The following PRKN variants were observed in gnomAD, a reference collection of about 807,000 sequenced individuals.
PRKN encodes the protein parkin RBR E3 ubiquitin protein ligase.
PRKN carries 56 observed loss-of-function variants against 59.5 expected under a neutral mutation model. The ratio of observed to expected loss-of-function variants is 0.94; its 90% CI spans 0.76 to 1.18. PRKN has a LOEUF of 1.18. Among genes scored for constraint, PRKN ranks in the 50% most tolerant of loss-of-function variants. PRKN has a pLI of 0.00. For synonymous variants in PRKN, 250 were observed against 222.1 expected (o/e 1.13, Z -1.12); for missense variants, 657 against 596.4 (o/e 1.10, Z -1.06).
chr6:161,708,067 G>A (rs1186159697), intron 7 of PRKN, among the ~76,000 whole-genome samples: 2 of 152,050 alleles, frequency 1.3e-5, no homozygotes, highest in Non-Finnish European at 1.5e-5. Context: ...ATCATACCTA[G>A]CATCTGGAAT....
intron 1 of PRKN, among the ~76,000 whole-genome samples, chr6:162,497,306 T>G (rs925305176): frequency 6.6e-6 from 1 of 152,182 alleles, no homozygotes; most frequent in African/African-American, 2.4e-5. Flanking sequence ...AAGAAATTAT[T>G]TTAAGTAACT....
rs1269310872 is a variant in PRKN, at chr6:161,399,623, G to A, written c.1084-12746C>T. 6.6e-6 allele frequency among the ~76,000 whole-genome samples: 1 copy of A among 152,122 alleles called. No homozygotes were observed. The highest frequency in any genetic ancestry group is 1.5e-5 in the Non-Finnish European group (1 of 68,034). ...CCGGGGTGGGTCAGGGAACTCTCCC[G>A]TTTCAGCAGTAAGAAGAGGAAGGTG... On this transcript the variant is annotated intron_variant, in intron 9 of 11. Coordinates refer to ENST00000366898, the MANE Select transcript of PRKN (RefSeq NM_004562.3). This position sits in a 1 kb window ranked among gnomAD's most constrained non-coding sequence, Gnocchi z 4.4.
At chr6:162,336,346 G>C (rs747615789) in intron 2 of PRKN, among the ~76,000 whole-genome samples, 1 of 151,976 alleles carries the variant, frequency 6.6e-6, no homozygotes, top group African/African-American at 2.4e-5. Flanking sequence ...CAGCTACAAC[G>C]ATACCTCCTC....
chr6:161,942,176 T>G (rs951628640), intron 6 of PRKN, among the ~76,000 whole-genome samples: 2 of 152,114 alleles, frequency 1.3e-5, no homozygotes, highest in African/African-American at 4.8e-5. Flanking sequence ...CACAGGGGCC[T>G]CTGGGGAAAG....
At chr6:162,216,816 A>G (rs1777694619) in intron 3 of PRKN, among the ~76,000 whole-genome samples, 1 of 152,182 alleles carries the variant, frequency 6.6e-6, no homozygotes, top group Non-Finnish European at 1.5e-5. Context: ...AGCCAGCAAA[A>G]TTATATTTAA....
chr6:161,728,033 AT>A (rs1787518867), intron 7 of PRKN, among the ~76,000 whole-genome samples: 1 of 152,074 alleles, frequency 6.6e-6, no homozygotes, highest in Non-Finnish European at 1.5e-5. Context: ...GTCATCACCC[AT>A]TTTCGCTTCA....
intron 6 of PRKN, among the ~76,000 whole-genome samples, chr6:161,897,835 CG>C (rs1290207538): frequency 6.7e-6 from 1 of 150,254 alleles, no homozygotes; most frequent in African/African-American, 2.5e-5. Flanking sequence ...GGCGTAGTGG[CG>C]GGCGCCTGTA....
chr6:162,561,626 T>C (rs1438839658), intron 1 of PRKN, among the ~76,000 whole-genome samples: 1 of 152,086 alleles, frequency 6.6e-6, no homozygotes, highest in Non-Finnish European at 1.5e-5. Flanking sequence ...CCTCCCTTAC[T>C]GGGGGCGAAG....
intron 3 of PRKN, among the ~76,000 whole-genome samples, chr6:162,249,283 A>G (rs556662553): frequency 6.6e-6 from 1 of 152,366 alleles, no homozygotes; most frequent in East Asian, 1.9e-4. Context: ...ATGAGAACAT[A>G]GTTATTAACA....
intron 2 of PRKN, among the ~76,000 whole-genome samples, chr6:162,426,386 G>C (rs1789239159): frequency 6.6e-6 from 1 of 152,140 alleles, no homozygotes; most frequent in Non-Finnish European, 1.5e-5. Flanking sequence ...AATAAAACTG[G>C]ATCTTGCGTG....
intron 2 of PRKN, among the ~76,000 whole-genome samples, chr6:162,296,837 G>T (rs911154296): frequency 6.6e-6 from 1 of 152,170 alleles, no homozygotes; most frequent in African/African-American, 2.4e-5. Context: ...GCTACCCAAG[G>T]ATTTACTGTT....
At position 162,429,040 on chromosome 6, in the gene PRKN, C is replaced by T. The variant is rs1789378710; in HGVS notation, c.171+14270G>A. On this transcript the variant is annotated intron_variant, in intron 2 of 11. Transcript: ENST00000366898. ...TTTAATTCTTTCCAAGCACTTATCA[C>T]TAACTGAAATTTACCATTTTTATTG... 2.6e-5 allele frequency among the ~76,000 whole-genome samples: 4 copies of T among 152,316 alleles called. No homozygotes were observed. The South Asian group carries it at 6.2e-4, about 24-fold the overall frequency.
chr6:161,643,167 T>C (rs976654446), intron 7 of PRKN, among the ~76,000 whole-genome samples: 1 of 152,246 alleles, frequency 6.6e-6, no homozygotes, highest in African/African-American at 2.4e-5. Context: ...TAGTTTTTTG[T>C]AGAAACACTT....
intron 1 of PRKN, among the ~76,000 whole-genome samples, chr6:162,580,619 A>C (rs1232330811): frequency 1.3e-5 from 2 of 152,120 alleles, no homozygotes; most frequent in Non-Finnish European, 2.9e-5. Flanking sequence ...AGGAACAGGC[A>C]AGAAAATATT....
At chr6:162,277,843 A>C (rs1256887196) in intron 2 of PRKN, among the ~76,000 whole-genome samples, 1 of 152,202 alleles carries the variant, frequency 6.6e-6, no homozygotes, top group Non-Finnish European at 1.5e-5. Flanking sequence ...AAAACGGTAT[A>C]GTCACTTTGG....
intron 6 of PRKN, among the ~76,000 whole-genome samples, chr6:161,833,855 A>G (rs1792624471): frequency 6.6e-6 from 1 of 152,164 alleles, no homozygotes; most frequent in African/African-American, 2.4e-5. Flanking sequence ...TCGGTTTCCT[A>G]CTAGATCTTA....
intron 5 of PRKN, among the ~76,000 whole-genome samples, chr6:162,014,117 C>T (rs558292940): frequency 2.4e-4 from 36 of 152,124 alleles, no homozygotes; most frequent in Admixed American, 1.6e-3. Context: ...CACCCCCCAT[C>T]GGGAAATTTA....
rs570969545 is a variant in PRKN, at chr6:161,366,482, C to T, written c.1168-6277G>A. 2.0e-5 allele frequency among the ~76,000 whole-genome samples: 3 copies of T among 152,298 alleles called. No homozygotes were observed. The South Asian group carries it at 6.2e-4, about 32-fold the overall frequency. Reference sequence around the variant, plus strand: ...TAGGAAAAGACCAAAATGCTGATGTCGCAAAATGGTTTTTAATACTGTTAA... The same window carrying T: ...TAGGAAAAGACCAAAATGCTGATGTTGCAAAATGGTTTTTAATACTGTTAA... On this transcript the variant is annotated intron_variant, in intron 10 of 11. Coordinates refer to ENST00000366898, the MANE Select transcript of PRKN (RefSeq NM_004562.3).
At chr6:162,629,215 G>GAAAATATAAAATAT (rs1783009821) in intron 1 of PRKN, among the ~76,000 whole-genome samples, 1 of 152,058 alleles carries the variant, frequency 6.6e-6, no homozygotes, top group Non-Finnish European at 1.5e-5. Context: ...GTTATTTATA[G>GAAAATATAAAATAT]ACTAGAATGC....
Sources: allele counts gnomAD v4.1 joint callset (sites outside exome capture counted in the v4.1 genomes callset), GRCh38; gene constraint gnomAD v4.1.1; non-coding constraint Gnocchi (gnomAD v3.1); transcripts MANE v1.5; gene names NCBI Gene and HGNC (gene_info 2026-07-23, HGNC 2026-07-21).